The following TACC1 variants were observed in gnomAD, a reference collection of about 807,000 sequenced individuals.
TACC1 encodes the protein transforming acidic coiled-coil-containing protein 1.
In TACC1, 48 loss-of-function variants were observed where a neutral mutation model predicts 84.4. The ratio of observed to expected loss-of-function variants is 0.57; its 90% CI spans 0.45 to 0.72. TACC1 has a LOEUF of 0.72. TACC1 is among the 30% of genes least tolerant of loss of function. TACC1 has a pLI of 0.00. For missense variants in TACC1, 920 were observed against 973.0 expected (o/e 0.95, Z 0.72); for synonymous variants, 372 against 376.3 (o/e 0.99, Z 0.13).
chr8:38,775,624 T>C (rs1190548609), intron 3 of TACC1, among the ~76,000 whole-genome samples: 1 of 152,166 alleles, frequency 6.6e-6, no homozygotes, highest in East Asian at 1.9e-4. Flanking sequence ...AGAACCCTCA[T>C]GACCTAATCA....
At chr8:38,838,422 A>G (rs765915095) in intron 7 of TACC1, 48 bp from the exon 8 acceptor site, 97 of 1,415,408 alleles carry the variant, frequency 6.9e-5, no homozygotes, top group Non-Finnish European at 9.6e-5. Flanking sequence ...CCAGTCTTAA[A>G]TGCAAATTGT....
intron 3 of TACC1, among the ~76,000 whole-genome samples, chr8:38,780,895 G>A (rs938763490): frequency 1.3e-5 from 2 of 152,134 alleles, no homozygotes; most frequent in East Asian, 3.8e-4. Flanking sequence ...ATGTCACAGA[G>A]TTGGCTGCTT....
intron 2 of TACC1, among the ~76,000 whole-genome samples, chr8:38,817,992 G>GAGACCA (rs1825829270): frequency 6.7e-6 from 1 of 150,372 alleles, no homozygotes; most frequent in South Asian, 2.1e-4. Flanking sequence ...AGTGCTTTGG[G>GAGACCA]AGACCAAGGC....
chr8:38,850,902 T>C lies in TACC1; in HGVS notation c.*2879T>C, dbSNP rs1833000166. On this transcript the variant is annotated 3_prime_UTR_variant, in exon 13 of 13. Transcript: ENST00000317827. ...GATTCTGGATCCAGAGCAATTTCTT[T>C]AGCTTTTGACTTTGCCAAAGTGTAG... The C allele has an allele frequency of 6.6e-6, 1 of 152,660 alleles. No homozygotes were observed. The highest frequency in any genetic ancestry group is 1.9e-4 in the East Asian group (1 of 5,204). The allele number at this position is 152,660 out of a possible 1,614,324, so 9.5% of individuals were successfully genotyped here. A position where few individuals can be genotyped will look rare whatever the true frequency, so the allele number is the denominator to read the frequency against.
chr8:38,766,862 T>C (rs981390318), intron 3 of TACC1, among the ~76,000 whole-genome samples: 11 of 152,054 alleles, frequency 7.2e-5, no homozygotes, highest in African/African-American at 2.4e-4. Flanking sequence ...AATTCCAGAG[T>C]GTTTCTGCCA....
At chr8:38,729,418 G>A (rs1804478773) in intron 1 of TACC1, among the ~76,000 whole-genome samples, 1 of 152,156 alleles carries the variant, frequency 6.6e-6, no homozygotes, top group Non-Finnish European at 1.5e-5. Context: ...AGGGACACCC[G>A]GCAGTCGGTC....
intron 3 of TACC1, among the ~76,000 whole-genome samples, chr8:38,746,353 C>T (rs1205119056): frequency 6.6e-6 from 1 of 152,152 alleles, no homozygotes; most frequent in Non-Finnish European, 1.5e-5. Flanking sequence ...CTTAGATGTG[C>T]CTTGGAGTGG....
intron 4 of TACC1, 113 bp from the exon 5 acceptor site, chr8:38,827,055 A>T: frequency 1.2e-6 from 1 of 862,164 alleles, no homozygotes; most frequent in South Asian, 1.7e-5. Flanking sequence ...TCTGTGGTTA[A>T]CCTCTCACAT....
rs537132615 is a variant in TACC1, at chr8:38,843,053, G to A, written c.2122-236G>A. Among the ~76,000 whole-genome samples the A allele has an allele frequency of 4.6e-4, 70 of 152,274 alleles. 1 individual carries two copies. Among genetic ancestry groups the A allele is most frequent in the Admixed American group, 4.6e-3 (70 of 15,292 alleles). ...TTGAATAACTGCCTTCCTAAAGTAGGCATATTGGTATAACTGACCCTTACT... is the reference window on the plus strand; with the variant it reads ...TTGAATAACTGCCTTCCTAAAGTAGACATATTGGTATAACTGACCCTTACT... On this transcript the variant is annotated intron_variant, in intron 10 of 12. Coordinates refer to ENST00000317827, the MANE Select transcript of TACC1 (RefSeq NM_006283.3).
chr8:38,818,424 T>G (rs1027827512), intron 2 of TACC1, among the ~76,000 whole-genome samples: 2 of 152,218 alleles, frequency 1.3e-5, no homozygotes, highest in Non-Finnish European at 2.9e-5. Flanking sequence ...AATCACTTTT[T>G]GCTTTAACGA....
intron 2 of TACC1, among the ~76,000 whole-genome samples, chr8:38,816,812 T>C (rs1300036335): frequency 6.6e-6 from 1 of 152,184 alleles, no homozygotes; most frequent in Non-Finnish European, 1.5e-5. Flanking sequence ...TTATAGAGGT[T>C]TCATCATGTA....
chr8:38,777,499 G>A (rs1215760201), intron 3 of TACC1, among the ~76,000 whole-genome samples: 1 of 152,166 alleles, frequency 6.6e-6, no homozygotes, highest in Non-Finnish European at 1.5e-5. Flanking sequence ...ATTGGCCCAG[G>A]GGCCAGGCAC....
rs142035325 is a variant in TACC1, at chr8:38,770,168, T to C, written c.27-18536T>C. 2.4e-3 allele frequency among the ~76,000 whole-genome samples: 363 copies of C among 152,094 alleles called. 2 individuals carry two copies. Among genetic ancestry groups the C allele is most frequent in the African/African-American group, 8.0e-3 (333 of 41,464 alleles). On this transcript the variant is annotated intron_variant, in intron 3 of 14. Coordinates refer to the TACC1 transcript ENST00000518415. ...AGAGCAGCGCAGGTTTGGCCACAGA[T>C]GTCAGGAGCCCGCGGCTTCCCTGCT...
At chr8:38,842,916 T>G (rs959149532) in intron 10 of TACC1, among the ~76,000 whole-genome samples, 1 of 152,250 alleles carries the variant, frequency 6.6e-6, no homozygotes, top group African/African-American at 2.4e-5. Flanking sequence ...TAATTTAACT[T>G]TACCATATCA....
At position 38,815,181 on chromosome 8, in the gene TACC1, C is replaced by G. The variant is rs111736263; in HGVS notation, c.278-4341C>G. 1.5e-4 allele frequency among the ~76,000 whole-genome samples: 23 copies of G among 152,300 alleles called. 3 individuals carry two copies. The highest frequency in any genetic ancestry group is 5.1e-4 in the African/African-American group (21 of 41,562). On this transcript the variant is annotated intron_variant, in intron 2 of 12. Coordinates refer to ENST00000317827, the MANE Select transcript of TACC1 (RefSeq NM_006283.3). ...AATACAACCTCTTGTATAGGGTTTT[C>G]AAGATCTGTTACTTAGAGTGGGATC...
At chr8:38,818,674 T>C (rs1825974796) in intron 2 of TACC1, among the ~76,000 whole-genome samples, 1 of 152,212 alleles carries the variant, frequency 6.6e-6, no homozygotes, top group Non-Finnish European at 1.5e-5. Context: ...ATTTGGTTCT[T>C]TTAGTTTTTA....
chr8:38,775,947 T>C (rs1279933786), intron 3 of TACC1, among the ~76,000 whole-genome samples: 2 of 152,220 alleles, frequency 1.3e-5, no homozygotes, highest in Non-Finnish European at 2.9e-5. Context: ...GAAAACAATT[T>C]CTAAAAATAT....
intron 3 of TACC1, among the ~76,000 whole-genome samples, chr8:38,771,074 T>C (rs1813511775): frequency 6.6e-6 from 1 of 152,144 alleles, no homozygotes; most frequent in African/African-American, 2.4e-5. Flanking sequence ...CCTTGCTGGC[T>C]CATTGAAAAA....
chr8:38,742,405 A>G (rs1174028322), exon 2 of TACC1: 13 of 1,517,558 alleles, frequency 8.6e-6, no homozygotes, highest in Non-Finnish European at 1.1e-5. Context: ...TGGCATGTTT[A>G]CTCTTCCAAG....
Sources: allele counts gnomAD v4.1 joint callset (sites outside exome capture counted in the v4.1 genomes callset), GRCh38; gene constraint gnomAD v4.1.1; transcripts MANE v1.5; gene names NCBI Gene and HGNC (gene_info 2026-07-23, HGNC 2026-07-21).